Variants in MICU1 observed in about 807,000 individuals in gnomAD.
MICU1 encodes the protein calcium uptake protein 1, mitochondrial.
MICU1 carries 45 observed loss-of-function variants against 56.8 expected under a neutral mutation model. That is an observed-to-expected ratio of 0.79 (90% confidence interval 0.62 to 1.02). The LOEUF (loss-of-function observed/expected upper bound fraction) is 1.02. Among genes scored for constraint, MICU1 ranks in the 50% least tolerant of loss-of-function variants. The pLI is 0.00. For missense variants in MICU1, 504 were observed against 587.1 expected (o/e 0.86, Z 1.46); for synonymous variants, 186 against 195.1 (o/e 0.95, Z 0.39).
At chr10:72,576,225 CAAAAA>C (rs34829939) in intron 1 of MICU1, among the ~76,000 whole-genome samples, 1 of 68,210 alleles carries the variant, frequency 1.5e-5, no homozygotes, top group Non-Finnish European at 2.6e-5. Flanking sequence ...AAAAAAACAC[CAAAAA>C]AAAAAAAAAA....
chr10:72,591,473 C>T (rs1372195762), intron 1 of MICU1, among the ~76,000 whole-genome samples: 1 of 151,846 alleles, frequency 6.6e-6, no homozygotes, highest in Non-Finnish European at 1.5e-5. Context: ...ATCAACACAC[C>T]TTTAGCTAGA....
At chr10:72,531,079 A>C (rs1359260990) in intron 5 of MICU1, among the ~76,000 whole-genome samples, 1 of 152,196 alleles carries the variant, frequency 6.6e-6, no homozygotes, top group Non-Finnish European at 1.5e-5. Context: ...GTTACTGGTC[A>C]AATTTTGGAC....
At chr10:72,379,572 T>A (rs751964623) in intron 10 of MICU1, 3 of 430,832 alleles carry the variant, frequency 7.0e-6, no homozygotes, top group Non-Finnish European at 1.4e-5. Flanking sequence ...CCCATGAAGA[T>A]GGTGCCCTTT....
intron 10 of MICU1, among the ~76,000 whole-genome samples, chr10:72,385,059 T>C (rs7917434): frequency 0.072 from 10,899 of 152,162 alleles, 1,333 homozygotes; most frequent in African/African-American, 0.25. Flanking sequence ...CATAAAAGCA[T>C]TGAGTCCTCG....
intron 9 of MICU1, among the ~76,000 whole-genome samples, chr10:72,418,327 T>C (rs138880339): frequency 1.1e-4 from 17 of 152,280 alleles, no homozygotes; most frequent in African/African-American, 3.9e-4. Flanking sequence ...TCTGATTTAA[T>C]TGATTTGAAG....
intron 11 of MICU1, 114 bp from the exon 12 acceptor site, chr10:72,368,469 C>A: frequency 1.8e-6 from 2 of 1,122,548 alleles, no homozygotes; most frequent in South Asian, 1.5e-5. Flanking sequence ...TCTCCACAGC[C>A]AAACTCAATT....
At chr10:72,437,200 C>T (rs7901368) in intron 8 of MICU1, among the ~76,000 whole-genome samples, 13,237 of 152,176 alleles carry the variant, frequency 0.087, 1,628 homozygotes, top group African/African-American at 0.27. Context: ...GCAGATCTCT[C>T]GGCAGAAACC....
intron 3 of MICU1, among the ~76,000 whole-genome samples, chr10:72,562,147 C>CTTTTTTTTTTTTT (rs533702573): frequency 6.3e-4 from 52 of 82,650 alleles, no homozygotes; most frequent in Non-Finnish European, 9.6e-4. Flanking sequence ...TACATAAAAT[C>CTTTTTTTTTTTTT]TTTTTTTTTT....
At chr10:72,395,662 G>A (rs989309511) in intron 10 of MICU1, among the ~76,000 whole-genome samples, 42 of 152,206 alleles carry the variant, frequency 2.8e-4, no homozygotes, top group African/African-American at 8.2e-4. Flanking sequence ...CCATGCCCAC[G>A]GAGCCTTGCT....
chr10:72,515,596 A>T (rs1867622902), intron 5 of MICU1, among the ~76,000 whole-genome samples: 1 of 152,196 alleles, frequency 6.6e-6, no homozygotes, highest in Admixed American at 6.5e-5. Context: ...CTTCTCCAAA[A>T]ATGAGAAACC....
intron 1 of MICU1, among the ~76,000 whole-genome samples, chr10:72,590,008 G>C (rs140515919): frequency 1.1e-4 from 16 of 151,558 alleles, no homozygotes; most frequent in African/African-American, 3.9e-4. Flanking sequence ...GTGAGATACT[G>C]TCAGAAAGAA....
At chr10:72,463,797 T>C (rs1865707603) in intron 8 of MICU1, among the ~76,000 whole-genome samples, 1 of 152,202 alleles carries the variant, frequency 6.6e-6, no homozygotes, top group South Asian at 2.1e-4. Context: ...GGTACAGCAA[T>C]GTCTTAGACC....
chr10:72,439,639 T>C (rs1448003442), intron 8 of MICU1, among the ~76,000 whole-genome samples: 3 of 152,182 alleles, frequency 2.0e-5, no homozygotes, highest in Admixed American at 2.0e-4. Context: ...CATAATTGTA[T>C]ATTTAGAAAA....
At chr10:72,601,854 C>T (rs1228659638) in intron 1 of MICU1, among the ~76,000 whole-genome samples, 1 of 149,792 alleles carries the variant, frequency 6.7e-6, no homozygotes, top group Non-Finnish European at 1.5e-5. Flanking sequence ...GGGTGGAGTG[C>T]AGTAGCATGA....
chr10:72,429,419 C>CAAAAA (rs34154785), intron 8 of MICU1, among the ~76,000 whole-genome samples: 2 of 113,376 alleles, frequency 1.8e-5, no homozygotes, highest in African/African-American at 6.6e-5. Flanking sequence ...GATCCTGCCT[C>CAAAAA]AAAAAAAAAA....
intron 1 of MICU1, among the ~76,000 whole-genome samples, chr10:72,572,571 T>C (rs1456451624): frequency 6.6e-6 from 1 of 151,938 alleles, no homozygotes; most frequent in Non-Finnish European, 1.5e-5. Flanking sequence ...GATGCTATAA[T>C]AACATAATGG....
intron 10 of MICU1, 113 bp from the exon 11 acceptor site, chr10:72,375,985 C>G (rs1228381024): frequency 1.0e-6 from 1 of 981,840 alleles, no homozygotes; most frequent in Non-Finnish European, 1.5e-6. Flanking sequence ...GCATTTAAGT[C>G]ACATTTAAGA....
chr10:72,428,859 GAT>G (rs1403889229), intron 8 of MICU1, among the ~76,000 whole-genome samples: 2 of 152,176 alleles, frequency 1.3e-5, no homozygotes, highest in Admixed American at 1.3e-4. Context: ...TTCAAGGTTT[GAT>G]ATGTTTTGTT....
At chr10:72,549,294 C>T (rs976303100) in intron 4 of MICU1, among the ~76,000 whole-genome samples, 1 of 151,176 alleles carries the variant, frequency 6.6e-6, no homozygotes, top group African/African-American at 2.4e-5. Context: ...AGGCTCAAGC[C>T]ATCCTCCCAC....
Sources: gnomAD v4.1 joint callset for allele counts (sites outside exome capture counted in the v4.1 genomes callset) on GRCh38, gnomAD v4.1.1 for gene constraint, MANE v1.5 for transcripts, NCBI Gene and HGNC (gene_info 2026-07-23, HGNC 2026-07-21) for gene names.